C1orf167: variants seen among roughly 807,000 people sequenced by gnomAD.
C1orf167 encodes uncharacterized protein C1orf167.
In C1orf167, 153 loss-of-function variants were observed where a neutral mutation model predicts 176.5. The observed-to-expected ratio is 0.87, with a 90% CI of 0.76 to 0.99. The LOEUF is 0.99. Among genes scored for constraint, C1orf167 ranks in the 50% least tolerant of loss-of-function variants. C1orf167 has a pLI of 0.00. For synonymous variants in C1orf167, 594 were observed against 752.7 expected (o/e 0.79, Z 3.45); for missense variants, 1,490 against 1,817.7 (o/e 0.82, Z 3.28).
intron 1 of C1orf167, among the ~76,000 whole-genome samples, chr1:11,763,394 G>A (rs530229767): frequency 4.6e-5 from 7 of 151,400 alleles, no homozygotes; most frequent in Admixed American, 6.6e-5. Context: ...GCAGTGAGCC[G>A]GGATCACGCC....
At position 11,768,841 on chromosome 1, in the gene C1orf167, A is replaced by G. The variant is rs1642920645; in HGVS notation, c.1543-132A>G. ...ATTCCCAAAGAAGGAATGAATAGGC[A>G]GAGTAATGGTTAAGACCACAGGCTG... On this transcript the variant is annotated intron_variant, in intron 5 of 20. Coordinates refer to ENST00000688073, the MANE Select transcript of C1orf167 (RefSeq NM_001010881.2). This position sits in a 1 kb window ranked among gnomAD's most constrained non-coding sequence, Gnocchi z 4.5. 2 of 522,018 alleles carry G rather than the reference A, an allele frequency of 3.8e-6. No individual in the cohort carries two copies. Among genetic ancestry groups the G allele is most frequent in the Non-Finnish European group, 4.9e-6 (2 of 406,372 alleles). 32.3% of individuals were successfully genotyped at this position (522,018 alleles called of 1,614,324 possible).
chr1:11,781,858 T>G (rs1416663701), intron 13 of C1orf167, among the ~76,000 whole-genome samples: 2 of 149,276 alleles, frequency 1.3e-5, no homozygotes, highest in Non-Finnish European at 3.0e-5. Flanking sequence ...TGCAGTGAGC[T>G]GAGATTGGGC....
At position 11,778,654 on chromosome 1, in the gene C1orf167, C is replaced by T. The variant is rs1643442849; in HGVS notation, c.2340-6C>T. 2 of 1,292,520 alleles carry T rather than the reference C, an allele frequency of 1.5e-6. No homozygotes were observed. Among genetic ancestry groups the T allele is most frequent in the African/African-American group, 1.5e-5 (1 of 65,856 alleles). 80.1% of individuals were successfully genotyped at this position (1,292,520 alleles called of 1,614,324 possible). A position where few individuals can be genotyped will look rare whatever the true frequency, so the allele number is the denominator to read the frequency against. On this transcript the variant is annotated splice_region_variant and splice_polypyrimidine_tract_variant and intron_variant, in intron 10 of 20. Coordinates refer to ENST00000688073, the MANE Select transcript of C1orf167 (RefSeq NM_001010881.2). ...TGGGTGGGTCACTCACCTGCCCCTT[C>T]TCTAGCTCCTTCTTCCAGGGCCTGC...
chr1:11,775,995 C>T (rs1426879740), intron 9 of C1orf167, among the ~76,000 whole-genome samples: 2 of 152,290 alleles, frequency 1.3e-5, no homozygotes, highest in South Asian at 2.1e-4. Flanking sequence ...TAGTGGCTCA[C>T]GCCTGTAATC....
In C1orf167 at chr1:11,776,580, G is replaced by A. The variant is rs1222499798; in HGVS notation, c.2281G>A (p.Ala761Thr). The change falls in exon 10 of 21, where the codon GCC (alanine) becomes ACC (threonine). Residue 761 changes from alanine (A) to threonine (T), a missense_variant. Transcript: ENST00000688073. ...GSLQDACWTL[A>T]LCWALLLWKM... is the part of the protein sequence containing the mutation. The stretch of plus-strand genomic sequence containing the variant: ...CCTGCAGGATGCCTGCTGGACACTG[G>A]CCCTCTGCTGGGCGCTGCTGCTGTG... The A allele has an allele frequency of 1.6e-6, 2 of 1,236,060 alleles. No individual in the cohort carries two copies. The highest frequency in any genetic ancestry group is 2.1e-6 in the Non-Finnish European group (2 of 956,300). The allele number at this position is 1,236,060 out of a possible 1,614,324, so 76.6% of individuals were successfully genotyped here. A position where few individuals can be genotyped will look rare whatever the true frequency, so the allele number is the denominator to read the frequency against.
chr1:11,784,311 C>G lies in C1orf167; in HGVS notation c.3143C>G (p.Ala1048Gly), dbSNP rs1570433133. The stretch of plus-strand genomic sequence containing the variant: ...TGGCGGGAAGCCCAGGAAGTGGCAG[C>G]CGGGGCACAGGAGCAGCGTGTGGCC... ...ATWREAQEVAAGAQEQRVAQA... is the reference protein window; with the variant it reads ...ATWREAQEVAGGAQEQRVAQA... Residue 1048 changes from alanine to glycine, a missense_variant, in exon 15 of 21, where the codon GCC becomes GGC. Coordinates refer to ENST00000688073, the MANE Select transcript of C1orf167 (RefSeq NM_001010881.2). 7.7e-7 allele frequency: 1 copy of G among 1,303,652 alleles called. No homozygotes were observed. The highest frequency in any genetic ancestry group is 1.0e-6 in the Non-Finnish European group (1 of 988,642). 80.8% of individuals were successfully genotyped at this position (1,303,652 alleles called of 1,614,324 possible). A position where few individuals can be genotyped will look rare whatever the true frequency, so the allele number is the denominator to read the frequency against.
At chr1:11,780,844 G>A (rs534518053) in intron 13 of C1orf167, among the ~76,000 whole-genome samples, 5 of 152,008 alleles carry the variant, frequency 3.3e-5, no homozygotes, top group Non-Finnish European at 5.9e-5. Flanking sequence ...TAGGGCAGTG[G>A]GAAGGACTGG....
At position 11,784,411 on chromosome 1, in the gene C1orf167, C is replaced by A. The variant is rs1227244516; in HGVS notation, c.3243C>A (p.Ala1081=). 3 of 1,303,796 alleles carry A rather than the reference C, an allele frequency of 2.3e-6. No homozygotes were observed. In the Admixed American group the frequency reaches 6.9e-5, roughly 30 times the overall value. 80.8% of individuals were successfully genotyped at this position (1,303,796 alleles called of 1,614,324 possible). The part of the protein sequence containing the change: ...QEDGQQKKAR[A]PQAFPAWPVA... The stretch of plus-strand genomic sequence containing the variant: ...ATGGGCAGCAGAAGAAGGCCCGGGC[C>A]CCACAGGCCTTCCCAGCATGGCCAG... The change falls in exon 15 of 21, where the codon GCC becomes GCA. Residue 1081 remains alanine, a synonymous_variant. Coordinates refer to ENST00000688073, the MANE Select transcript of C1orf167 (RefSeq NM_001010881.2).
In C1orf167 at chr1:11,782,413, C is replaced by T. The variant is rs1643642605; in HGVS notation, c.3005+80C>T. 5 of 1,137,974 alleles carry T rather than the reference C, an allele frequency of 4.4e-6. No individual in the cohort carries two copies. In the South Asian group the frequency reaches 8.8e-5, roughly 20 times the overall value. 70.5% of individuals were successfully genotyped at this position (1,137,974 alleles called of 1,614,324 possible). ...AGGAGAGCACCCAGGGGGTGGGAAGCTCAGACGGTGGCCCAGATAGGAGGC... is the reference window on the plus strand; with the variant it reads ...AGGAGAGCACCCAGGGGGTGGGAAGTTCAGACGGTGGCCCAGATAGGAGGC... On this transcript the variant is annotated intron_variant, in intron 14 of 20. Coordinates refer to ENST00000688073, the MANE Select transcript of C1orf167 (RefSeq NM_001010881.2).
In C1orf167 at chr1:11,768,872, TCTGATAGGCATGTGTTACTC is replaced by T. The variant is rs1642921765; in HGVS notation, c.1543-97_1543-78del. 4 of 814,682 alleles carry T rather than the reference TCTGATAGGCATGTGTTACTC, an allele frequency of 4.9e-6. No individual in the cohort carries two copies. In the South Asian group the frequency reaches 2.2e-4, roughly 46 times the overall value. The allele number at this position is 814,682 out of a possible 1,614,324, so 50.5% of individuals were successfully genotyped here. A position where few individuals can be genotyped will look rare whatever the true frequency, so the allele number is the denominator to read the frequency against. On this transcript the variant is annotated intron_variant, in intron 5 of 20. Coordinates refer to ENST00000688073, the MANE Select transcript of C1orf167 (RefSeq NM_001010881.2). This position sits in a 1 kb window ranked among gnomAD's most constrained non-coding sequence, Gnocchi z 4.5. Reference sequence around the variant, plus strand: ...ATGGTTAAGACCACAGGCTGTGGAATCTGATAGGCATGTGTTACTCCTGTCCCCGCCCCTGCCTGGTGTTC... The same window carrying T: ...ATGGTTAAGACCACAGGCTGTGGAATCTGTCCCCGCCCCTGCCTGGTGTTC...
At chr1:11,782,085 C>T in intron 13 of C1orf167, 104 bp from the exon 14 acceptor site, 2 of 1,074,654 alleles carry the variant, frequency 1.9e-6, no homozygotes, top group South Asian at 1.9e-5. Context: ...GGGTGGCCTC[C>T]TCTGTTCCCA....
Position 11,764,326 on chromosome 1 carries a change from C to A in C1orf167, c.-70-5C>A. On this transcript the variant is annotated splice_polypyrimidine_tract_variant and splice_region_variant and intron_variant, in intron 1 of 20. Coordinates refer to ENST00000688073, the MANE Select transcript of C1orf167 (RefSeq NM_001010881.2). The stretch of plus-strand genomic sequence containing the variant: ...GAGCCAGGGCAACCTGTCCTCTCCC[C>A]GCAGGGCCCATCTGATTAAACAGAC... The A allele has an allele frequency of 1.7e-6, 2 of 1,181,736 alleles. No individual in the cohort carries two copies. The highest frequency in any genetic ancestry group is 2.2e-6 in the Non-Finnish European group (2 of 890,790). 73.2% of individuals were successfully genotyped at this position (1,181,736 alleles called of 1,614,324 possible). A position where few individuals can be genotyped will look rare whatever the true frequency, so the allele number is the denominator to read the frequency against.
rs569360235 is a variant in C1orf167 at position 11,771,456 on chromosome 1, G to A, written c.1698-68G>A. The stretch of plus-strand genomic sequence containing the variant: ...AGACCGCACCTGCCTGGGGTGGGGC[G>A]GACAGGTTGGGACCGAGTGCCCTTC... On this transcript the variant is annotated intron_variant, in intron 6 of 20. Coordinates refer to ENST00000688073, the MANE Select transcript of C1orf167 (RefSeq NM_001010881.2). 15 of 1,012,782 alleles carry A rather than the reference G, an allele frequency of 1.5e-5. No homozygotes were observed. In the East Asian group the frequency reaches 3.6e-4, roughly 24 times the overall value. The allele number at this position is 1,012,782 out of a possible 1,614,324, so 62.7% of individuals were successfully genotyped here.
chr1:11,787,848 CTT>C, intron 17 of C1orf167, 23 bp from the exon 18 acceptor site: 1 of 1,206,644 alleles, frequency 8.3e-7, no homozygotes. Context: ...ACCTTAACCT[CTT>C]GTGACTCAAC....
chr1:11,770,449 CTT>C (rs35237748), intron 6 of C1orf167, among the ~76,000 whole-genome samples: 3 of 142,704 alleles, frequency 2.1e-5, no homozygotes, highest in Admixed American at 7.0e-5. Flanking sequence ...TTATATTTTT[CTT>C]TTTTTTTTTT....
In C1orf167 at chr1:11,765,904, C is replaced by T; in HGVS notation, c.118C>T (p.His40Tyr). ...CCTGGGCATCGGCCTGAGTGGTAGA[C>T]ATGACCAGTGGGTGCCCGGGTGCCA... ...RSLGIGLSGR[H>Y]DQWVPGCQVE... The change falls in exon 3 of 21, where the codon CAT (histidine) becomes TAT (tyrosine). Residue 40 changes from histidine to tyrosine, a missense_variant. Coordinates refer to ENST00000688073, the MANE Select transcript of C1orf167 (RefSeq NM_001010881.2). 1.6e-6 allele frequency: 2 copies of T among 1,222,334 alleles called. No homozygotes were observed. The highest frequency in any genetic ancestry group is 2.3e-4 in the Middle Eastern group (1 of 4,364). The allele number at this position is 1,222,334 out of a possible 1,614,324, so 75.7% of individuals were successfully genotyped here. A position where few individuals can be genotyped will look rare whatever the true frequency, so the allele number is the denominator to read the frequency against.
intron 15 of C1orf167, 62 bp from the exon 16 acceptor site, chr1:11,785,086 G>T (rs1251233468): frequency 1.6e-5 from 19 of 1,201,996 alleles, no homozygotes; most frequent in South Asian, 2.8e-5. Flanking sequence ...GCACTGGGGG[G>T]GCTCCCTGCA....
intron 9 of C1orf167, 104 bp from the exon 10 acceptor site, chr1:11,776,360 A>G: frequency 9.4e-7 from 1 of 1,058,238 alleles, no homozygotes; most frequent in Non-Finnish European, 1.2e-6. Flanking sequence ...ACGGGACAAG[A>G]GGGGAGAGCT....
intron 2 of C1orf167, 140 bp downstream of exon 2, chr1:11,764,610 C>A: frequency 6.3e-6 from 4 of 639,448 alleles, no homozygotes; most frequent in South Asian, 3.4e-5. Context: ...GTCGGCTGGA[C>A]ATAGGACAGA....
Sources: allele counts gnomAD v4.1 joint callset (sites outside exome capture counted in the v4.1 genomes callset), GRCh38; gene constraint gnomAD v4.1.1; non-coding constraint Gnocchi (gnomAD v3.1); transcripts MANE v1.5; gene names NCBI Gene and HGNC (gene_info 2026-07-23, HGNC 2026-07-21).